The following RYR2 variants were observed in gnomAD, a reference collection of about 807,000 sequenced individuals.
RYR2 encodes the protein cardiac muscle ryanodine receptor-calcium release channel.
In RYR2, 227 loss-of-function variants were observed where a neutral mutation model predicts 601.1. The ratio of observed to expected loss-of-function variants is 0.38; its 90% CI spans 0.34 to 0.42. The LOEUF (loss-of-function observed/expected upper bound fraction) is 0.42, where lower values mean the gene tolerates loss of function less well. Among genes scored for constraint, RYR2 ranks in the 10% least tolerant of loss-of-function variants. The pLI is 1.00. For missense variants in RYR2, 4,646 were observed against 6,156.5 expected, an observed-to-expected ratio of 0.75 and a Z score of 8.21; for synonymous variants, 2,223 against 2,175.1, an observed-to-expected ratio of 1.02 and a Z score of -0.61.
intron 99 of RYR2, among the ~76,000 whole-genome samples, chr1:237,807,773 A>G (rs1660806666): frequency 6.6e-6 from 1 of 152,210 alleles, no homozygotes; most frequent in East Asian, 1.9e-4. Context: ...TTAAGGTAAC[A>G]TGTTTTCTCC....
intron 17 of RYR2, among the ~76,000 whole-genome samples, chr1:237,481,118 A>G (rs922127145): frequency 7.9e-5 from 11 of 138,542 alleles, no homozygotes; most frequent in African/African-American, 2.1e-4. Flanking sequence ...ATATATATAT[A>G]TATATATACA....
In RYR2 at chr1:237,591,764, G is replaced by A. The variant is rs1553515422; in HGVS notation, c.4186G>A (p.Asp1396Asn). Residue 1396 changes from aspartate to asparagine, a missense_variant, in exon 32 of 105, where the codon GAT (aspartate) becomes AAT (asparagine). By Grantham distance (23) the Asp-to-Asn change is conservative (BLOSUM62 1). Coordinates refer to ENST00000366574, the MANE Select transcript of RYR2 (RefSeq NM_001035.3). Reference sequence around the variant, plus strand: ...ATTTTTGCTTAGAAGAACAAAGCCAGATTACAGCACAAGCCATTCTGCAAG... The same window carrying A: ...ATTTTTGCTTAGAAGAACAAAGCCAAATTACAGCACAAGCCATTCTGCAAG... ...QRFLLRRTKP[D>N]YSTSHSARLT... is the part of the protein sequence containing the mutation. 1.9e-6 allele frequency: 3 copies of A among 1,613,252 alleles called. No homozygotes were observed. The highest frequency in any genetic ancestry group is 2.5e-6 in the Non-Finnish European group (3 of 1,179,648).
At chr1:237,466,371 T>G (rs1660087467) in intron 16 of RYR2, among the ~76,000 whole-genome samples, 1 of 152,106 alleles carries the variant, frequency 6.6e-6, no homozygotes, top group Non-Finnish European at 1.5e-5. Flanking sequence ...TCATGCTATG[T>G]TGCCCAGGCT....
At chr1:237,105,948 G>C (rs1309837304) in intron 1 of RYR2, among the ~76,000 whole-genome samples, 1 of 152,108 alleles carries the variant, frequency 6.6e-6, no homozygotes, top group Non-Finnish European at 1.5e-5. Flanking sequence ...TAGTTCATGG[G>C]CTTCCAGGCA....
intron 14 of RYR2, among the ~76,000 whole-genome samples, chr1:237,446,820 T>C (rs1327975204): frequency 6.6e-6 from 1 of 152,214 alleles, no homozygotes; most frequent in Non-Finnish European, 1.5e-5. Context: ...TTTTTATTAC[T>C]TGTATTACTT....
intron 6 of RYR2, among the ~76,000 whole-genome samples, chr1:237,372,664 T>C (rs1700731013): frequency 6.6e-6 from 1 of 152,234 alleles, no homozygotes; most frequent in Admixed American, 6.5e-5. Flanking sequence ...CTGCATGAGC[T>C]AATAAATGTG....
intron 2 of RYR2, among the ~76,000 whole-genome samples, chr1:237,301,381 A>T (rs999088159): frequency 2.6e-5 from 4 of 152,130 alleles, no homozygotes; most frequent in Non-Finnish European, 5.9e-5. Context: ...AAGATAAAAA[A>T]GTTGTGATTA....
At chr1:237,656,997 T>C (rs1399051452) in intron 53 of RYR2, among the ~76,000 whole-genome samples, 1 of 152,240 alleles carries the variant, frequency 6.6e-6, no homozygotes, top group African/African-American at 2.4e-5. Flanking sequence ...TGCTAACATA[T>C]GATCTCATCT....
At chr1:237,046,271 C>T (rs1000910332) in intron 1 of RYR2, among the ~76,000 whole-genome samples, 1 of 152,164 alleles carries the variant, frequency 6.6e-6, no homozygotes, top group Non-Finnish European at 1.5e-5. Context: ...GAAGTCAGTA[C>T]TCAGCAGTGC....
At chr1:237,514,600 A>C (rs1666235776) in intron 24 of RYR2, among the ~76,000 whole-genome samples, 1 of 152,214 alleles carries the variant, frequency 6.6e-6, no homozygotes, top group Non-Finnish European at 1.5e-5. Context: ...GTTTAGAGAA[A>C]GTACAGTACT....
At chr1:237,596,819 G>A (rs150184551) in intron 34 of RYR2, among the ~76,000 whole-genome samples, 1 of 152,314 alleles carries the variant, frequency 6.6e-6, no homozygotes, top group Non-Finnish European at 1.5e-5. Flanking sequence ...AAGTTTCTCA[G>A]CAGAAACCTT....
rs546173676 is a variant in RYR2 at position 237,089,827 on chromosome 1, TTAGA to T, written c.48+47262_48+47265del. On this transcript the variant is annotated intron_variant, in intron 1 of 104. Coordinates refer to ENST00000366574, the MANE Select transcript of RYR2 (RefSeq NM_001035.3). ...TCTCTGGTATTTCAGAAGATTATTC[TTAGA>T]TAGTCTGCAGAGATGAGTTTATAAG... 1.8e-4 allele frequency among the ~76,000 whole-genome samples: 28 copies of T among 152,226 alleles called. 1 individual carries two copies. The highest frequency in any genetic ancestry group is 3.3e-4 in the Admixed American group (5 of 15,288).
At chr1:237,679,193 G>A (rs1370047556) in intron 61 of RYR2, among the ~76,000 whole-genome samples, 1 of 152,152 alleles carries the variant, frequency 6.6e-6, no homozygotes, top group East Asian at 1.9e-4. Context: ...CCAATTATCA[G>A]AATGCTGTAT....
chr1:237,817,346 C>T (rs1373864107), intron 100 of RYR2, among the ~76,000 whole-genome samples: 4 of 152,186 alleles, frequency 2.6e-5, no homozygotes, highest in African/African-American at 9.6e-5. Flanking sequence ...TTTGCCTACA[C>T]ATTGTGCTTT....
At chr1:237,081,301 AAAG>A (rs1464782036) in intron 1 of RYR2, among the ~76,000 whole-genome samples, 34 of 149,710 alleles carry the variant, frequency 2.3e-4, no homozygotes, top group Admixed American at 8.6e-4. Flanking sequence ...AAAAAAAAAA[AAAG>A]AAAGTCAACA....
chr1:237,157,009 A>G (rs967617985), intron 1 of RYR2, among the ~76,000 whole-genome samples: 4 of 152,160 alleles, frequency 2.6e-5, no homozygotes, highest in Non-Finnish European at 5.9e-5. Context: ...TAGAACCACC[A>G]TACGGGCCGG....
rs529538262 is a variant in RYR2 at position 237,483,471 on chromosome 1, C to T, written c.1709-8335C>T. On this transcript the variant is annotated intron_variant, in intron 17 of 104. Transcript: ENST00000366574. ...GAGCACAGAGATGTTAAATAGTTTG[C>T]TAAAAACCTGCAAGGACACAAAACT... Among the ~76,000 whole-genome samples, 7 of 152,194 alleles carry T rather than the reference C, an allele frequency of 4.6e-5. No homozygotes were observed. The South Asian group carries it at 1.5e-3, about 32-fold the overall frequency.
Position 237,632,005 on chromosome 1 carries a change from A to G in RYR2, c.6555+464A>G, listed in dbSNP as rs147312790. Among the ~76,000 whole-genome samples, 173 of 152,204 alleles carry G rather than the reference A, an allele frequency of 1.1e-3. 1 individual carries two copies. The highest frequency in any genetic ancestry group is 4.0e-3 in the African/African-American group (166 of 41,530). ...CTGTTTTTAAAGAAGACTTTTTGAA[A>G]AAAACACACAAACCTTAGGGAGTTG... On this transcript the variant is annotated intron_variant, in intron 42 of 104. Coordinates refer to ENST00000366574, the MANE Select transcript of RYR2 (RefSeq NM_001035.3).
intron 1 of RYR2, among the ~76,000 whole-genome samples, chr1:237,073,190 A>G (rs1664597126): frequency 6.6e-6 from 1 of 152,170 alleles, no homozygotes; most frequent in South Asian, 2.1e-4. Flanking sequence ...CTATTTGACA[A>G]ACATCTACGG....
Sources: gnomAD v4.1 joint callset for allele counts (sites outside exome capture counted in the v4.1 genomes callset) on GRCh38, gnomAD v4.1.1 for gene constraint, MANE v1.5 for transcripts, NCBI Gene and HGNC (gene_info 2026-07-23, HGNC 2026-07-21) for gene names.